The following SERPINA4 variants were observed in gnomAD, a reference collection of about 807,000 sequenced individuals.
SERPINA4 encodes the protein kallistatin.
Under a neutral mutation model 25.4 loss-of-function variants are expected in SERPINA4, and 24 were observed. The observed-to-expected ratio is 0.95, with a 90% CI of 0.69 to 1.33. The LOEUF is 1.33. Among genes scored for constraint, SERPINA4 ranks in the 40% most tolerant of loss-of-function variants. SERPINA4 has a pLI of 0.00. For missense variants in SERPINA4, 553 were observed against 535.8 expected, an observed-to-expected ratio of 1.03 and a Z score of -0.32; for synonymous variants, 242 against 223.6, an observed-to-expected ratio of 1.08 and a Z score of -0.73.
In SERPINA4 at chr14:94,568,594, C is replaced by T. The variant is rs565526637; in HGVS notation, c.1083+306C>T. Among the ~76,000 whole-genome samples the T allele has an allele frequency of 4.6e-5, 7 of 152,254 alleles. No individual in the cohort carries two copies. The East Asian group carries it at 1.4e-3, about 29-fold the overall frequency. ...GAGGGGCCGGGCATGGTAACTCATG[C>T]CTGTAATCTCAGCATTTTGGGAGGC... is the stretch of plus-strand genomic sequence containing the variant. On this transcript the variant is annotated intron_variant, in intron 4 of 4. Coordinates refer to ENST00000557004, the MANE Select transcript of SERPINA4 (RefSeq NM_006215.4).
At position 94,569,696 on chromosome 14, in the gene SERPINA4, G is replaced by T; in HGVS notation, c.*101G>T. On this transcript the variant is annotated 3_prime_UTR_variant, in exon 5 of 5. Transcript: ENST00000557004. ...TAGAGTTGGGGACAAGGATGACACC[G>T]AAGGTCCAGGAGTCCAGGACAGCAG... The T allele has an allele frequency of 5.4e-6, 7 of 1,304,018 alleles. No homozygotes were observed. Among genetic ancestry groups the T allele is most frequent in the Non-Finnish European group, 7.5e-6 (7 of 929,328 alleles). The allele number at this position is 1,304,018 out of a possible 1,614,324, so 80.8% of individuals were successfully genotyped here.
At position 94,569,815 on chromosome 14, in the gene SERPINA4, G is replaced by C; in HGVS notation, c.*220G>C. 1.7e-6 allele frequency: 1 copy of C among 584,734 alleles called. No homozygotes were observed. 36.2% of individuals were successfully genotyped at this position (584,734 alleles called of 1,614,324 possible). Reference sequence around the variant, plus strand: ...CTGTGCAGCCTCTGGCAGAGCATCCGACCTCTTGGAGCAAGTTTCTGCCTC... The same window carrying C: ...CTGTGCAGCCTCTGGCAGAGCATCCCACCTCTTGGAGCAAGTTTCTGCCTC... On this transcript the variant is annotated 3_prime_UTR_variant, in exon 5 of 5. Transcript: ENST00000557004.
intron 1 of SERPINA4, among the ~76,000 whole-genome samples, chr14:94,562,010 AT>A (rs1331320596): frequency 6.6e-6 from 1 of 152,252 alleles, no homozygotes; most frequent in Non-Finnish European, 1.5e-5. Context: ...TGAGCTAAGA[AT>A]GCAAGATGTA....
chr14:94,564,053 CG>C lies in SERPINA4; in HGVS notation c.572del (p.Arg191GlnfsTer16). On this transcript the variant is annotated frameshift_variant, in exon 2 of 5. Transcript: ENST00000557004. LOFTEE classifies it high-confidence loss of function. ...CAACGACCACGTCAAGAAGGAAACTCGAGGGAAGATTGTGGATTTGGTCAGT... is the reference window on the plus strand; with the variant it reads ...CAACGACCACGTCAAGAAGGAAACTCAGGGAAGATTGTGGATTTGGTCAGT... The part of the protein sequence containing the change: ...LINDHVKKET[R>X]GKIVDLVSEL... The C allele has an allele frequency of 6.2e-7, 1 of 1,610,060 alleles. No individual in the cohort carries two copies. Among genetic ancestry groups the C allele is most frequent in the Non-Finnish European group, 8.5e-7 (1 of 1,180,000 alleles).
chr14:94,568,588 C>T (rs893128397), intron 4 of SERPINA4, among the ~76,000 whole-genome samples: 7 of 152,218 alleles, frequency 4.6e-5, no homozygotes, highest in Non-Finnish European at 8.8e-5. Context: ...GGCATGGTAA[C>T]TCATGCCTGT....
At chr14:94,564,841 A>G (rs773176208) in intron 2 of SERPINA4, among the ~76,000 whole-genome samples, 11 of 152,252 alleles carry the variant, frequency 7.2e-5, no homozygotes, top group Non-Finnish European at 1.2e-4. Context: ...TTGAAGCTTT[A>G]AAAATATGTA....
Position 94,569,575 on chromosome 14 carries a change from G to T in SERPINA4, c.1264G>T (p.Val422Phe), listed in dbSNP as rs559018978. Residue 422 changes from valine (V) to phenylalanine (F), a missense_variant, in exon 5 of 5, where the codon GTC becomes TTC. By Grantham distance (50) the Val-to-Phe change is conservative. Transcript: ENST00000557004. ...TQSVLFLGKV[V>F]DPTKP ...GAGTGTCCTCTTTCTGGGCAAGGTC[G>T]TCGACCCCACGAAACCATAGCCCTC... 6.8e-6 allele frequency: 11 copies of T among 1,614,038 alleles called. No homozygotes were observed. The highest frequency in any genetic ancestry group is 3.3e-4 in the Middle Eastern group (2 of 6,084).
At position 94,569,548 on chromosome 14, in the gene SERPINA4, C is replaced by A. The variant is rs774315097; in HGVS notation, c.1237C>A (p.Gln413Lys). 61 of 1,614,228 alleles carry A rather than the reference C, an allele frequency of 3.8e-5. 1 individual carries two copies. The Middle Eastern group carries it at 1.2e-3, about 31-fold the overall frequency. Residue 413 changes from glutamine (Q) to lysine (K), a missense_variant, in exon 5 of 5, where the codon CAG becomes AAG. Transcript: ENST00000557004. ...TGTGGTGATCTTTTCCACCAGCACC[C>A]AGAGTGTCCTCTTTCTGGGCAAGGT... ...FLVVIFSTSTQSVLFLGKVVD... is the reference protein window; with the variant it reads ...FLVVIFSTSTKSVLFLGKVVD...
chr14:94,569,296 A>G (rs1902317531), intron 4 of SERPINA4, 99 bp from the exon 5 acceptor site: 1 of 1,080,548 alleles, frequency 9.3e-7, no homozygotes. Flanking sequence ...GCAGGCTGTT[A>G]TGTGCAATAT....
At chr14:94,566,589 G>T (rs1902219292) in intron 2 of SERPINA4, among the ~76,000 whole-genome samples, 1 of 152,022 alleles carries the variant, frequency 6.6e-6, no homozygotes, top group Non-Finnish European at 1.5e-5. Context: ...TCTCATCATG[G>T]CAGTAGTGAC....
Position 94,569,749 on chromosome 14 carries a change from G to T in SERPINA4, c.*154G>T. ...GCTGGCCGGTGGGGAGCGGGGAGGG[G>T]CACTGAGATGGGCAGGGCCTGGACA... On this transcript the variant is annotated 3_prime_UTR_variant, in exon 5 of 5. Coordinates refer to ENST00000557004, the MANE Select transcript of SERPINA4 (RefSeq NM_006215.4). 1 of 743,052 alleles carries T rather than the reference G, an allele frequency of 1.3e-6. No homozygotes were observed. Among genetic ancestry groups the T allele is most frequent in the Non-Finnish European group, 2.2e-6 (1 of 455,256 alleles). The allele number at this position is 743,052 out of a possible 1,614,324, so 46.0% of individuals were successfully genotyped here. A position where few individuals can be genotyped will look rare whatever the true frequency, so the allele number is the denominator to read the frequency against.
intron 1 of SERPINA4, chr14:94,561,830 C>A (rs753736719): frequency 8.5e-6 from 11 of 1,289,662 alleles, no homozygotes; most frequent in Middle Eastern, 4.3e-4. Flanking sequence ...GGAGCTCATG[C>A]CGGAGGGGAG....
At position 94,567,195 on chromosome 14, in the gene SERPINA4, T is replaced by A. The variant is rs569647702; in HGVS notation, c.875T>A (p.Val292Asp). 1 of 1,614,134 alleles carries A rather than the reference T, an allele frequency of 6.2e-7. No homozygotes were observed. The highest frequency in any genetic ancestry group is 1.7e-5 in the Admixed American group (1 of 60,026). ...NQGKMREIEE[V>D]LTPEMLMRWN... ...GGCAAAATGAGGGAGATTGAAGAGG[T>A]TCTGACTCCAGAGATGCTAATGAGG... Residue 292 changes from valine (V) to aspartate (D), a missense_variant, in exon 3 of 5, where the codon GTT becomes GAT. Physicochemically the swap from Val to Asp is radical, Grantham distance 152. Coordinates refer to ENST00000557004, the MANE Select transcript of SERPINA4 (RefSeq NM_006215.4).
intron 2 of SERPINA4, among the ~76,000 whole-genome samples, chr14:94,566,025 T>C (rs1488700541): frequency 6.6e-6 from 1 of 152,164 alleles, no homozygotes; most frequent in African/African-American, 2.4e-5. Context: ...CTTAGTCCAT[T>C]CACCCTACCT....
rs1444215259 is a variant in SERPINA4, at chr14:94,569,635, T to C, written c.*40T>C. The C allele has an allele frequency of 1.9e-6, 3 of 1,605,810 alleles. No individual in the cohort carries two copies. Among genetic ancestry groups the C allele is most frequent in the African/African-American group, 1.3e-5 (1 of 74,812 alleles). Reference sequence around the variant, plus strand: ...CTCATCTGTTCCAAGCAGGAGGATGTGGCAGGGGAGGGCTGGGAGTGAGTA... The same window carrying C: ...CTCATCTGTTCCAAGCAGGAGGATGCGGCAGGGGAGGGCTGGGAGTGAGTA... On this transcript the variant is annotated 3_prime_UTR_variant, in exon 5 of 5. Coordinates refer to ENST00000557004, the MANE Select transcript of SERPINA4 (RefSeq NM_006215.4).
At chr14:94,567,337 C>A in intron 3 of SERPINA4, 94 bp downstream of exon 3, 1 of 1,333,256 alleles carries the variant, frequency 7.5e-7, no homozygotes, top group Non-Finnish European at 1.0e-6. Flanking sequence ...AGAGTGAACA[C>A]CAAATTATGA....
intron 1 of SERPINA4, 41 bp downstream of exon 1, chr14:94,561,535 A>G: frequency 3.1e-6 from 2 of 635,082 alleles, no homozygotes; most frequent in South Asian, 3.6e-5. Flanking sequence ...GAGACTCTAG[A>G]GGGAGGGTGA....
intron 2 of SERPINA4, among the ~76,000 whole-genome samples, chr14:94,565,103 T>C (rs1595064447): frequency 6.6e-6 from 1 of 151,996 alleles, no homozygotes; most frequent in Non-Finnish European, 1.5e-5. Flanking sequence ...ACTGGGAAAG[T>C]GAAGGTCTAG....
At chr14:94,569,089 C>T (rs1004694906) in intron 4 of SERPINA4, among the ~76,000 whole-genome samples, 1 of 152,018 alleles carries the variant, frequency 6.6e-6, no homozygotes, top group Non-Finnish European at 1.5e-5. Flanking sequence ...ATTTATTTTC[C>T]TCACTTTTAA....
Sources: allele counts gnomAD v4.1 joint callset (sites outside exome capture counted in the v4.1 genomes callset), GRCh38; gene constraint gnomAD v4.1.1; transcripts MANE v1.5; gene names NCBI Gene and HGNC (gene_info 2026-07-23, HGNC 2026-07-21).